ACOT12: variants seen among roughly 807,000 people sequenced by gnomAD.
ACOT12 encodes acyl-CoA thioesterase 12.
ACOT12 carries 51 observed loss-of-function variants against 67.7 expected under a neutral mutation model. The ratio of observed to expected loss-of-function variants is 0.75; its 90% CI spans 0.60 to 0.95. The LOEUF (loss-of-function observed/expected upper bound fraction) is 0.95, where lower values mean the gene tolerates loss of function less well. Ranked by LOEUF, ACOT12 falls within the 40% of genes least tolerant of loss-of-function variation. The pLI is 0.00. For synonymous variants in ACOT12, 251 were observed against 244.6 expected (o/e 1.03, Z -0.24); for missense variants, 734 against 708.1 (o/e 1.04, Z -0.41).
At chr5:81,359,781 G>T in intron 5 of ACOT12, 122 bp downstream of exon 5, 1 of 1,086,208 alleles carries the variant, frequency 9.2e-7, no homozygotes, top group Non-Finnish European at 1.3e-6. Context: ...TTGTTGGAAA[G>T]GATACCTAGT....
rs1229523609 is a variant in ACOT12 at position 81,371,816 on chromosome 5, G to GA, written c.198-7dup. On this transcript the variant is annotated splice_region_variant and splice_polypyrimidine_tract_variant and intron_variant, in intron 2 of 14. Transcript: ENST00000307624. ...TGGTTATAACTTGTCCAACTCTAGG[G>GA]AAAAACAAACAAAAAAACCTCAGTA... The GA allele has an allele frequency of 1.2e-6, 2 of 1,613,358 alleles. No homozygotes were observed. Among genetic ancestry groups the GA allele is most frequent in the Non-Finnish European group, 1.7e-6 (2 of 1,179,670 alleles).
chr5:81,342,002 T>TATGA (rs376707058), intron 11 of ACOT12, among the ~76,000 whole-genome samples: 6 of 152,168 alleles, frequency 3.9e-5, no homozygotes, highest in Non-Finnish European at 8.8e-5. Context: ...TTTATTTATT[T>TATGA]TTTTTAGAGA....
At chr5:81,356,908 C>A (rs1759734423) in intron 5 of ACOT12, among the ~76,000 whole-genome samples, 1 of 152,044 alleles carries the variant, frequency 6.6e-6, no homozygotes, top group Non-Finnish European at 1.5e-5. Flanking sequence ...CCCAGTCATG[C>A]CCCAACCCTG....
At chr5:81,365,792 T>A (rs964585538) in intron 3 of ACOT12, among the ~76,000 whole-genome samples, 1 of 152,134 alleles carries the variant, frequency 6.6e-6, no homozygotes, top group Admixed American at 6.5e-5. Flanking sequence ...CTGAAGGTAA[T>A]TTACGGTTAG....
chr5:81,310,441 G>T, the ACOT12 span, among the ~76,000 whole-genome samples: 1 of 151,780 alleles, frequency 6.6e-6, no homozygotes, highest in Non-Finnish European at 1.5e-5. Flanking sequence ...TTCCACATTT[G>T]CATTTTTATG....
chr5:81,380,741 A>G (rs141910676), intron 2 of ACOT12, among the ~76,000 whole-genome samples: 150 of 152,298 alleles, frequency 9.8e-4, no homozygotes, highest in African/African-American at 3.4e-3. Context: ...CGTCTCCACA[A>G]TGGAGTACTA....
chr5:81,327,171 G>GTA (rs1261264283), downstream of ACOT12, among the ~76,000 whole-genome samples: 21 of 142,706 alleles, frequency 1.5e-4, no homozygotes, highest in East Asian at 3.9e-4. Flanking sequence ...ATATATATGT[G>GTA]TATATATATA....
At chr5:81,377,902 C>T (rs1760467716) in intron 2 of ACOT12, among the ~76,000 whole-genome samples, 3 of 152,128 alleles carry the variant, frequency 2.0e-5, no homozygotes, top group Admixed American at 6.5e-5. Context: ...ATGAAAATGG[C>T]CATACTGCCC....
chr5:81,310,808 AC>A, the ACOT12 span, among the ~76,000 whole-genome samples: 3 of 152,128 alleles, frequency 2.0e-5, no homozygotes, highest in African/African-American at 7.2e-5. Flanking sequence ...TGGGCCATTG[AC>A]TGTTTGAGAA....
downstream of ACOT12, among the ~76,000 whole-genome samples, chr5:81,329,138 G>A (rs547028367): frequency 2.0e-4 from 30 of 152,148 alleles, no homozygotes; most frequent in Non-Finnish European, 4.3e-4. Flanking sequence ...CAATGTTTCC[G>A]TTACTGTTCA....
intron 3 of ACOT12, among the ~76,000 whole-genome samples, chr5:81,365,921 T>A (rs1470310280): frequency 1.3e-5 from 2 of 152,172 alleles, no homozygotes; most frequent in East Asian, 1.9e-4. Flanking sequence ...CCTGTGAGTC[T>A]TTGGGTTGAT....
At chr5:81,311,229 G>A in the ACOT12 span, 1 of 1,614,124 alleles carries the variant, frequency 6.2e-7, no homozygotes. Flanking sequence ...TGCAAACTTT[G>A]TGGCTCTGTG....
At chr5:81,329,557 T>C (rs1273099510), downstream of ACOT12, among the ~76,000 whole-genome samples, 2 of 152,204 alleles carry the variant, frequency 1.3e-5, no homozygotes, top group Non-Finnish European at 2.9e-5. Context: ...ATCTGTTAAG[T>C]GCTCCCACCA....
Position 81,385,796 on chromosome 5 carries a change from G to T in ACOT12, c.158C>A (p.Thr53Lys). Residue 53 changes from threonine to lysine, a missense_variant, in exon 2 of 15, where the codon ACA (threonine) becomes AAA (lysine). Transcript: ENST00000307624. ...AEKHAGVSCVTASVDDIQFEE... is the reference protein window; with the variant it reads ...AEKHAGVSCVKASVDDIQFEE... ...AAACTGTATGTCATCCACTGAGGCT[G>T]TAACGCAGGAAACTCCAGCATGTTT... The T allele has an allele frequency of 6.2e-7, 1 of 1,614,066 alleles. No homozygotes were observed. Among genetic ancestry groups the T allele is most frequent in the Non-Finnish European group, 8.5e-7 (1 of 1,180,002 alleles).
In ACOT12 at chr5:81,376,814, C is replaced by A. The variant is rs138401742; in HGVS notation, c.198-5004G>T. Among the ~76,000 whole-genome samples the A allele has an allele frequency of 2.9e-3, 434 of 152,208 alleles. 2 individuals carry two copies. Among genetic ancestry groups the A allele is most frequent in the South Asian group, 4.6e-3 (22 of 4,824 alleles). On this transcript the variant is annotated intron_variant, in intron 2 of 14. Coordinates refer to ENST00000307624, the MANE Select transcript of ACOT12 (RefSeq NM_130767.3). ...GAAGAAGTCGAATCTCTGAATAGAC[C>A]AATGACAAGTTCTGAAATTGAGGCA... is the stretch of plus-strand genomic sequence containing the variant.
intron 11 of ACOT12, among the ~76,000 whole-genome samples, chr5:81,338,347 T>C (rs1580533763): frequency 6.6e-6 from 1 of 152,208 alleles, no homozygotes. Context: ...GACTGGATCA[T>C]GGGAGTGGAC....
At chr5:81,329,531 C>T (rs1758751642), downstream of ACOT12, among the ~76,000 whole-genome samples, 1 of 152,130 alleles carries the variant, frequency 6.6e-6, no homozygotes, top group East Asian at 1.9e-4. Context: ...AGCAAACTAA[C>T]AGCAGGATGC....
At chr5:81,311,847 A>C in the ACOT12 span, among the ~76,000 whole-genome samples, 1 of 152,206 alleles carries the variant, frequency 6.6e-6, no homozygotes, top group Non-Finnish European at 1.5e-5. Context: ...GGAGATCATT[A>C]TTACATTAGT....
At chr5:81,371,839 G>A in intron 2 of ACOT12, 29 bp from the exon 3 acceptor site, 1 of 1,596,992 alleles carries the variant, frequency 6.3e-7, no homozygotes, top group Non-Finnish European at 8.6e-7. Flanking sequence ...AAAAACCTCA[G>A]TAGTTTTAGC....
Sources: allele counts gnomAD v4.1 joint callset (sites outside exome capture counted in the v4.1 genomes callset), GRCh38; gene constraint gnomAD v4.1.1; transcripts MANE v1.5; gene names NCBI Gene and HGNC (gene_info 2026-07-23, HGNC 2026-07-21).